Variants in PLEKHA6 observed in about 807,000 individuals in gnomAD.
PLEKHA6 encodes pleckstrin homology domain containing A6, also known as pleckstrin homology domain-containing family A member 6.
In PLEKHA6, 60 loss-of-function variants were observed where a neutral mutation model predicts 116.7. That is an observed-to-expected ratio of 0.51 (90% CI 0.42 to 0.64). The LOEUF is 0.64. PLEKHA6 is among the 30% of genes least tolerant of loss of function. The pLI, the probability that PLEKHA6 is intolerant of heterozygous loss-of-function variation, is 0.00. For synonymous variants in PLEKHA6, 489 were observed against 556.1 expected, an observed-to-expected ratio of 0.88 and a Z score of 1.70; for missense variants, 1,338 against 1,422.7, an observed-to-expected ratio of 0.94 and a Z score of 0.96.
At chr1:204,349,241 G>A (rs1673188964) in intron 1 of PLEKHA6, among the ~76,000 whole-genome samples, 1 of 152,192 alleles carries the variant, frequency 6.6e-6, no homozygotes, top group Non-Finnish European at 1.5e-5. Context: ...CTCCCTATAA[G>A]AATCCTTGAG....
Position 204,245,735 on chromosome 1 carries a change from G to A in PLEKHA6, c.1921-9C>T. 2 of 1,582,406 alleles carry A rather than the reference G, an allele frequency of 1.3e-6. No homozygotes were observed. The highest frequency in any genetic ancestry group is 1.7e-6 in the Non-Finnish European group (2 of 1,152,792). On this transcript the variant is annotated splice_polypyrimidine_tract_variant and intron_variant, in intron 13 of 22. Coordinates refer to ENST00000272203, the MANE Select transcript of PLEKHA6 (RefSeq NM_014935.5). ...CGGTTCAGCACCTCATTCTGAAGCA[G>A]CCACACAGTGAGTCAAAGGAAATGG...
At chr1:204,323,642 C>A (rs1217537470) in intron 1 of PLEKHA6, among the ~76,000 whole-genome samples, 13 of 152,168 alleles carry the variant, frequency 8.5e-5, no homozygotes, top group Admixed American at 8.5e-4. Flanking sequence ...TACTTGTATT[C>A]CTGGTGCATA....
In PLEKHA6 at chr1:204,287,412, G is replaced by T. The variant is rs193244195; in HGVS notation, c.-94-12603C>A. Among the ~76,000 whole-genome samples the T allele has an allele frequency of 1.1e-4, 16 of 152,214 alleles. No homozygotes were observed. The East Asian group carries it at 2.9e-3, about 28-fold the overall frequency. ...GGTCAAAGAGCACAAATGTTTTGGA[G>T]GTTGAAGGGATGAGGGACCTGAAGG... On this transcript the variant is annotated intron_variant, in intron 1 of 22. Coordinates refer to ENST00000272203, the MANE Select transcript of PLEKHA6 (RefSeq NM_014935.5).
chr1:204,322,464 G>A (rs773036596), intron 1 of PLEKHA6, among the ~76,000 whole-genome samples: 9 of 152,324 alleles, frequency 5.9e-5, no homozygotes, highest in East Asian at 1.9e-4. Context: ...GCTCCCTGGC[G>A]TGACTTGGGA....
chr1:204,376,235 C>G (rs2103424379), intron 1 of PLEKHA6, among the ~76,000 whole-genome samples: 1 of 152,276 alleles, frequency 6.6e-6, no homozygotes, highest in Non-Finnish European at 1.5e-5. Flanking sequence ...AGAGAATGAA[C>G]CACTTCATCA....
intron 1 of PLEKHA6, among the ~76,000 whole-genome samples, chr1:204,275,201 A>G (rs1219260471): frequency 6.6e-6 from 1 of 152,174 alleles, no homozygotes; most frequent in African/African-American, 2.4e-5. Flanking sequence ...AGTGAGCCAC[A>G]TAAAAAAAAA....
chr1:204,237,016 T>A (rs567410300), intron 17 of PLEKHA6, among the ~76,000 whole-genome samples: 4 of 152,184 alleles, frequency 2.6e-5, no homozygotes, highest in African/African-American at 7.2e-5. Context: ...TGACTGTGCA[T>A]TGGGGAAAGG....
At chr1:204,325,755 G>C (rs1055868616) in intron 1 of PLEKHA6, 1 of 192,880 alleles carries the variant, frequency 5.2e-6, no homozygotes, top group African/African-American at 2.4e-5. Context: ...TCTTAGAGTA[G>C]CCTGTGAACA....
chr1:204,303,268 G>A (rs988106138), intron 1 of PLEKHA6, among the ~76,000 whole-genome samples: 4 of 152,072 alleles, frequency 2.6e-5, no homozygotes, highest in African/African-American at 7.2e-5. Context: ...GAGAAAGCTC[G>A]AGAATCTGCC....
At chr1:204,375,563 A>C (rs1673853628) in intron 1 of PLEKHA6, among the ~76,000 whole-genome samples, 1 of 151,906 alleles carries the variant, frequency 6.6e-6, no homozygotes, top group Non-Finnish European at 1.5e-5. Flanking sequence ...GACTTTTGCA[A>C]TTGTTTCCTA....
chr1:204,367,448 T>C (rs1168265710), intron 3 of PLEKHA6, among the ~76,000 whole-genome samples: 1 of 152,152 alleles, frequency 6.6e-6, no homozygotes, highest in Non-Finnish European at 1.5e-5. Flanking sequence ...GCCCCGCGGC[T>C]GCGTCTCCTG....
At chr1:204,301,560 C>G in intron 1 of PLEKHA6, 1 of 711,892 alleles carries the variant, frequency 1.4e-6, no homozygotes, top group East Asian at 1.3e-4. Flanking sequence ...ATGGCTTCAT[C>G]TGTACCACTT....
At chr1:204,331,199 C>CA (rs5780231) in intron 1 of PLEKHA6, among the ~76,000 whole-genome samples, 4,039 of 75,190 alleles carry the variant, frequency 0.054, 170 homozygotes, top group Middle Eastern at 0.13. Flanking sequence ...GACTCTGTCT[C>CA]AAAAAAAAAA....
intron 1 of PLEKHA6, among the ~76,000 whole-genome samples, chr1:204,349,249 G>T (rs1673189609): frequency 6.6e-6 from 1 of 152,154 alleles, no homozygotes; most frequent in Non-Finnish European, 1.5e-5. Context: ...AAGAATCCTT[G>T]AGTTCTTGGC....
chr1:204,348,220 A>G (rs1276194423), intron 1 of PLEKHA6, among the ~76,000 whole-genome samples: 1 of 152,196 alleles, frequency 6.6e-6, no homozygotes, highest in Non-Finnish European at 1.5e-5. Flanking sequence ...CAAGAAACCT[A>G]GAGAGACCAG....
Position 204,368,232 on chromosome 1 carries a change from G to A in PLEKHA6, c.161-376C>T, listed in dbSNP as rs150347441. The stretch of plus-strand genomic sequence containing the variant: ...CAGTGAACACACAGATGGTTCCCCT[G>A]GAAGTGTCCTCAGGATCATCTAACC... On this transcript the variant is annotated intron_variant, in intron 2 of 4. Transcript: ENST00000564627. Among the ~76,000 whole-genome samples the A allele has an allele frequency of 4.4e-3, 676 of 152,204 alleles. 3 individuals carry two copies. The highest frequency in any genetic ancestry group is 0.015 in the African/African-American group (639 of 41,526).
chr1:204,344,978 G>A (rs1238622936), intron 1 of PLEKHA6, among the ~76,000 whole-genome samples: 11 of 152,186 alleles, frequency 7.2e-5, no homozygotes, highest in Admixed American at 6.5e-4. Context: ...CAAGCATAAT[G>A]CCTGGAGAAG....
At chr1:204,280,571 G>T in intron 1 of PLEKHA6, 1 of 457,674 alleles carries the variant, frequency 2.2e-6, no homozygotes, top group Non-Finnish European at 2.9e-6. Context: ...CAGCATTACA[G>T]CTCATTAGGT....
intron 17 of PLEKHA6, among the ~76,000 whole-genome samples, chr1:204,241,139 T>G (rs1191298732): frequency 1.3e-5 from 2 of 152,200 alleles, no homozygotes; most frequent in Non-Finnish European, 2.9e-5. Context: ...TATATCTTAT[T>G]AGTTCTGTCC....
Sources: gnomAD v4.1 joint callset for allele counts (sites outside exome capture counted in the v4.1 genomes callset) on GRCh38, gnomAD v4.1.1 for gene constraint, MANE v1.5 for transcripts, NCBI Gene and HGNC (gene_info 2026-07-23, HGNC 2026-07-21) for gene names.